The following OSBP2 variants were observed in gnomAD, a reference collection of about 807,000 sequenced individuals.
OSBP2 encodes the protein oxysterol-binding protein 2.
Under a neutral mutation model 96.0 loss-of-function variants are expected in OSBP2, and 66 were observed. The observed-to-expected ratio is 0.69, with a 90% CI of 0.56 to 0.84. OSBP2 has a LOEUF of 0.84. OSBP2 is among the 40% of genes least tolerant of loss of function. OSBP2 has a pLI of 0.00. For synonymous variants in OSBP2, 525 were observed against 520.9 expected, an observed-to-expected ratio of 1.01 and a Z score of -0.11; for missense variants, 1,038 against 1,222.7, an observed-to-expected ratio of 0.85 and a Z score of 2.25.
intron 12 of OSBP2, among the ~76,000 whole-genome samples, chr22:30,901,275 G>A (rs193289893): frequency 1.3e-5 from 2 of 152,192 alleles, no homozygotes; most frequent in Non-Finnish European, 2.9e-5. Context: ...TGCCATGTTG[G>A]CCAGGCTGGT....
At chr22:30,726,284 C>T (rs182610014) in intron 1 of OSBP2, among the ~76,000 whole-genome samples, 12 of 152,242 alleles carry the variant, frequency 7.9e-5, no homozygotes, top group East Asian at 7.7e-4. Flanking sequence ...ACATATACAC[C>T]GTGGAATACT....
At chr22:30,831,980 T>C (rs2038532656) in intron 2 of OSBP2, among the ~76,000 whole-genome samples, 1 of 152,110 alleles carries the variant, frequency 6.6e-6, no homozygotes, top group Non-Finnish European at 1.5e-5. Flanking sequence ...CCCTGACCCC[T>C]GGTAGCTCTT....
chr22:30,886,916 G>A (rs1294501783), intron 3 of OSBP2, among the ~76,000 whole-genome samples: 2 of 152,206 alleles, frequency 1.3e-5, no homozygotes, highest in Non-Finnish European at 2.9e-5. Flanking sequence ...CGAGTCTGCT[G>A]TGCAAAGTGA....
chr22:30,869,999 C>T (rs963363751), intron 2 of OSBP2, among the ~76,000 whole-genome samples: 3 of 152,112 alleles, frequency 2.0e-5, no homozygotes, highest in African/African-American at 7.2e-5. Context: ...GGTAGGCCTG[C>T]GATGCTGAGA....
chr22:30,727,456 C>CAG (rs1163640728), intron 1 of OSBP2, among the ~76,000 whole-genome samples: 2 of 152,096 alleles, frequency 1.3e-5, no homozygotes, highest in Non-Finnish European at 2.9e-5. Context: ...GGGTAGCTCA[C>CAG]AGAATCTCTG....
chr22:30,787,646 C>T (rs1349389350), intron 2 of OSBP2, among the ~76,000 whole-genome samples: 2 of 151,978 alleles, frequency 1.3e-5, no homozygotes, highest in Non-Finnish European at 2.9e-5. Flanking sequence ...GCACTCCAGC[C>T]TGGGTAACAG....
chr22:30,735,410 C>CTTTTTTTTT lies in OSBP2; in HGVS notation c.645-5737_645-5729dup, dbSNP rs774749546. 2.5e-4 allele frequency among the ~76,000 whole-genome samples: 25 copies of CTTTTTTTTT among 100,610 alleles called. 1 individual carries two copies. The highest frequency in any genetic ancestry group is 3.5e-4 in the South Asian group (1 of 2,850). The allele number at this position is 100,610 out of a possible 152,430, so 66.0% of individuals were successfully genotyped here. A position where few individuals can be genotyped will look rare whatever the true frequency, so the allele number is the denominator to read the frequency against. On this transcript the variant is annotated intron_variant, in intron 1 of 13. Coordinates refer to ENST00000332585, the MANE Select transcript of OSBP2 (RefSeq NM_030758.4). ...TCTTCTTTTTTCTTCTCTTCTCTCTCTTTTTTTTTTTTTTTTTTTTTTGAG... is the reference window on the plus strand; with the variant it reads ...TCTTCTTTTTTCTTCTCTTCTCTCTCTTTTTTTTTTTTTTTTTTTTTTTTTTTTTTTGAG...
At chr22:30,868,242 T>A (rs1297977061) in intron 2 of OSBP2, among the ~76,000 whole-genome samples, 1 of 152,238 alleles carries the variant, frequency 6.6e-6, no homozygotes, top group Admixed American at 6.5e-5. Flanking sequence ...TGGACTCAGA[T>A]CCCAACCCTG....
intron 2 of OSBP2, among the ~76,000 whole-genome samples, chr22:30,765,636 C>A (rs1004756473): frequency 1.3e-5 from 2 of 152,230 alleles, no homozygotes; most frequent in African/African-American, 2.4e-5. Context: ...TCTCTTCCCC[C>A]ATCTCCAAAT....
At chr22:30,798,150 T>C (rs1347358035) in intron 2 of OSBP2, among the ~76,000 whole-genome samples, 1 of 152,218 alleles carries the variant, frequency 6.6e-6, no homozygotes, top group Non-Finnish European at 1.5e-5. Flanking sequence ...TGGTATCTCA[T>C]TGTGCTTTTG....
chr22:30,767,267 G>A (rs547797702), intron 2 of OSBP2, among the ~76,000 whole-genome samples: 47 of 151,408 alleles, frequency 3.1e-4, no homozygotes, highest in Non-Finnish European at 5.9e-4. Context: ...CTAAGGTCAC[G>A]CCACTGCACT....
chr22:30,849,491 A>G (rs1159675039), intron 2 of OSBP2, among the ~76,000 whole-genome samples: 1 of 152,144 alleles, frequency 6.6e-6, no homozygotes, highest in Non-Finnish European at 1.5e-5. Flanking sequence ...TTCTCTAGTT[A>G]CTAATGATAT....
chr22:30,878,334 G>A (rs1023207186), intron 3 of OSBP2, among the ~76,000 whole-genome samples: 1 of 152,264 alleles, frequency 6.6e-6, no homozygotes, highest in Non-Finnish European at 1.5e-5. Context: ...CCCTTCGGGG[G>A]CCCCTTGGGC....
chr22:30,868,818 C>T (rs565479897), intron 2 of OSBP2, among the ~76,000 whole-genome samples: 2 of 152,298 alleles, frequency 1.3e-5, no homozygotes, highest in South Asian at 2.1e-4. Flanking sequence ...CACGTGCACT[C>T]GGAACAGTGA....
intron 2 of OSBP2, among the ~76,000 whole-genome samples, chr22:30,840,911 T>C (rs2038740219): frequency 6.6e-6 from 1 of 152,122 alleles, no homozygotes; most frequent in African/African-American, 2.4e-5. Flanking sequence ...ATGCCTGTAA[T>C]CTCAGGACTT....
intron 2 of OSBP2, among the ~76,000 whole-genome samples, chr22:30,854,436 G>A (rs1289192086): frequency 6.6e-6 from 1 of 150,496 alleles, no homozygotes; most frequent in Non-Finnish European, 1.5e-5. Flanking sequence ...AGCCTCCCAA[G>A]TAGCTGGAAT....
Position 30,695,554 on chromosome 22 carries a change from G to T in OSBP2, c.644+1G>T, listed in dbSNP as rs2089012970. The T allele has an allele frequency of 6.2e-7, 1 of 1,602,140 alleles. No homozygotes were observed. Among genetic ancestry groups the T allele is most frequent in the African/African-American group, 1.3e-5 (1 of 74,906 alleles). On this transcript the variant is annotated splice_donor_variant, in intron 1 of 13. Coordinates refer to ENST00000332585, the MANE Select transcript of OSBP2 (RefSeq NM_030758.4). LOFTEE classifies it high-confidence loss of function. ...GCAATGGTTTGCTCTCTTACTACAGGTATGGAAGCGCCAGGGTGGGACATG... is the reference window on the plus strand; with the variant it reads ...GCAATGGTTTGCTCTCTTACTACAGTTATGGAAGCGCCAGGGTGGGACATG...
chr22:30,721,461 C>T (rs957959376), intron 1 of OSBP2, among the ~76,000 whole-genome samples: 3 of 152,216 alleles, frequency 2.0e-5, no homozygotes, highest in East Asian at 1.9e-4. Context: ...GAATGAAGGA[C>T]GAGTGTGCAG....
At chr22:30,708,478 ATTTTTTTTT>A (rs56361178) in intron 1 of OSBP2, among the ~76,000 whole-genome samples, 15 of 63,474 alleles carry the variant, frequency 2.4e-4, no homozygotes, top group South Asian at 7.7e-4. Context: ...AAGGATAAGG[ATTTTTTTTT>A]TTTTTTTTTT....
Sources: gnomAD v4.1 joint callset for allele counts (sites outside exome capture counted in the v4.1 genomes callset) on GRCh38, gnomAD v4.1.1 for gene constraint, MANE v1.5 for transcripts, NCBI Gene and HGNC (gene_info 2026-07-23, HGNC 2026-07-21) for gene names.